The following STAM variants were observed in gnomAD, a reference collection of about 807,000 sequenced individuals.
STAM encodes signal transducing adaptor molecule.
A neutral mutation model predicts 63.4 loss-of-function variants in STAM; 16 were observed. That is an observed-to-expected ratio of 0.25 (90% CI 0.17 to 0.38). The LOEUF (loss-of-function observed/expected upper bound fraction) is 0.38, where lower values mean the gene tolerates loss of function less well. STAM is among the 10% of genes least tolerant of loss of function. STAM has a pLI of 1.00. For missense variants in STAM, 636 were observed against 657.1 expected (o/e 0.97, Z 0.35); for synonymous variants, 238 against 223.9 (o/e 1.06, Z -0.56).
intron 2 of STAM, among the ~76,000 whole-genome samples, chr10:17,680,703 G>A (rs1554825253): frequency 6.6e-6 from 1 of 152,012 alleles, no homozygotes; most frequent in African/African-American, 2.4e-5. Context: ...CACTGTGCCC[G>A]GCCTTGATTT....
intron 6 of STAM, among the ~76,000 whole-genome samples, chr10:17,694,195 TGACCTTAAATTTGATAATG>T (rs1554827153): frequency 6.6e-6 from 1 of 152,172 alleles, no homozygotes; most frequent in Non-Finnish European, 1.5e-5. Context: ...TCCTGGTTTT[TGACCTTAAATTTGATAATG>T]GTGTATTTTA....
rs146952486 is a variant in STAM at position 17,695,190 on chromosome 10, A to G, written c.677A>G (p.Asp226Gly). 1.2e-5 allele frequency: 19 copies of G among 1,613,958 alleles called. No homozygotes were observed. Among genetic ancestry groups the G allele is most frequent in the Admixed American group, 1.7e-5 (1 of 60,000 alleles). The change falls in exon 7 of 14, where the codon GAC becomes GGC. Residue 226 changes from aspartate to glycine, a missense_variant. Around this residue, in one of 3 missense-constraint regions of STAM, gnomAD observed 532 missense variants for 536.9 expected, o/e 0.99. Transcript: ENST00000377524. ...RAIYDFEAAEDNELTFKAGEI... is the reference protein window; with the variant it reads ...RAIYDFEAAEGNELTFKAGEI... ...ATATATGACTTTGAAGCTGCTGAAGACAATGAACTTACTTTTAAAGCTGGA... is the reference window on the plus strand; with the variant it reads ...ATATATGACTTTGAAGCTGCTGAAGGCAATGAACTTACTTTTAAAGCTGGA...
chr10:17,695,831 G>A (rs972753069), intron 7 of STAM: 2 of 152,224 alleles, frequency 1.3e-5, no homozygotes, highest in African/African-American at 4.8e-5. Flanking sequence ...TTCCTGTAGT[G>A]TCTCTCTTAC....
chr10:17,663,433 AC>A (rs1834255004), intron 2 of STAM, among the ~76,000 whole-genome samples: 1 of 152,114 alleles, frequency 6.6e-6, no homozygotes, highest in South Asian at 2.1e-4. Context: ...ATTTTAATTG[AC>A]ATTATACTAA....
intron 1 of STAM, among the ~76,000 whole-genome samples, chr10:17,646,986 TATATA>T (rs1833544309): frequency 6.6e-6 from 1 of 152,210 alleles, no homozygotes; most frequent in African/African-American, 2.4e-5. Context: ...CTGACTGATT[TATATA>T]ATATAACATT....
intron 13 of STAM, 55 bp downstream of exon 13, chr10:17,709,006 G>T: frequency 1.9e-6 from 3 of 1,558,376 alleles, no homozygotes; most frequent in Non-Finnish European, 2.6e-6. Flanking sequence ...CTGTTTAAGT[G>T]CCCCCAGTTA....
intron 7 of STAM, chr10:17,695,986 T>C (rs552211000): frequency 1.3e-5 from 2 of 152,290 alleles, no homozygotes; most frequent in Non-Finnish European, 2.9e-5. Context: ...CATTTTGCTG[T>C]GTCCTCCCAT....
chr10:17,660,388 TG>T, intron 1 of STAM, 75 bp from the exon 2 acceptor site: 1 of 968,808 alleles, frequency 1.0e-6, no homozygotes. Flanking sequence ...ACTATAGTTT[TG>T]TGATTTAAAT....
intron 12 of STAM, among the ~76,000 whole-genome samples, 165 bp downstream of exon 12, chr10:17,705,906 A>G (rs1362582398): frequency 1.0e-5 from 1 of 99,096 alleles, no homozygotes; most frequent in Non-Finnish European, 2.3e-5. Context: ...TGTCTCTACC[A>G]AAAAAAAAAA....
chr10:17,686,934 T>C (rs907402995), intron 4 of STAM, among the ~76,000 whole-genome samples: 1 of 152,246 alleles, frequency 6.6e-6, no homozygotes, highest in African/African-American at 2.4e-5. Context: ...TTATTTCTTC[T>C]CTGGTATCTG....
chr10:17,681,197 CTTT>C (rs201425906), intron 2 of STAM, among the ~76,000 whole-genome samples: 6 of 123,676 alleles, frequency 4.9e-5, no homozygotes, highest in African/African-American at 6.0e-5. Flanking sequence ...TTGAGATCGT[CTTT>C]TTTTTTTTTT....
chr10:17,705,487 GTAC>G, intron 11 of STAM, 98 bp from the exon 12 acceptor site: 1 of 1,321,440 alleles, frequency 7.6e-7, no homozygotes, highest in Non-Finnish European at 1.0e-6. Flanking sequence ...ATGTCTACTA[GTAC>G]TACTTTTTGC....
chr10:17,707,712 G>T (rs1035149722), intron 12 of STAM, among the ~76,000 whole-genome samples: 2 of 152,158 alleles, frequency 1.3e-5, no homozygotes, highest in African/African-American at 4.8e-5. Flanking sequence ...TTGGATCCCT[G>T]TGTGGGTCTG....
intron 1 of STAM, among the ~76,000 whole-genome samples, chr10:17,647,901 C>G (rs964802682): frequency 6.6e-5 from 10 of 152,212 alleles, no homozygotes; most frequent in Non-Finnish European, 1.5e-4. Context: ...CATCTCCTTA[C>G]TGAGCATCTC....
At chr10:17,670,189 T>C (rs1307705294) in intron 2 of STAM, among the ~76,000 whole-genome samples, 2 of 152,358 alleles carry the variant, frequency 1.3e-5, no homozygotes, top group South Asian at 2.1e-4. Flanking sequence ...TGGGATCCGA[T>C]GCGAGCTGAT....
At chr10:17,655,644 T>G (rs568084953) in intron 1 of STAM, among the ~76,000 whole-genome samples, 93 of 152,292 alleles carry the variant, frequency 6.1e-4, no homozygotes, top group African/African-American at 2.2e-3. Context: ...AGGAAATAAG[T>G]GTACTCTGTT....
chr10:17,675,153 CA>C (rs1554824508), intron 2 of STAM, among the ~76,000 whole-genome samples: 1 of 152,176 alleles, frequency 6.6e-6, no homozygotes, highest in Non-Finnish European at 1.5e-5. Flanking sequence ...TGGTTTTAGA[CA>C]CATGGCCTGA....
chr10:17,696,521 T>C, intron 7 of STAM: 1 of 353,368 alleles, frequency 2.8e-6, no homozygotes, highest in East Asian at 4.6e-5. Flanking sequence ...TGGTGCCTCT[T>C]TTTTTGGGAG....
chr10:17,704,416 A>G lies in STAM; in HGVS notation c.913-15A>G, dbSNP rs781790994. The G allele has an allele frequency of 6.2e-7, 1 of 1,607,848 alleles. No individual in the cohort carries two copies. The highest frequency in any genetic ancestry group is 8.5e-7 in the Non-Finnish European group (1 of 1,174,954). ...AGGTTGGTAGCTTTTTATATTAACTACTTAATTCCTGTAGGATAAAATGGA... is the reference window on the plus strand; with the variant it reads ...AGGTTGGTAGCTTTTTATATTAACTGCTTAATTCCTGTAGGATAAAATGGA... On this transcript the variant is annotated splice_polypyrimidine_tract_variant and intron_variant, in intron 9 of 13. Transcript: ENST00000377524.
Sources: gnomAD v4.1 joint callset for allele counts (sites outside exome capture counted in the v4.1 genomes callset) on GRCh38, gnomAD v4.1.1 for gene constraint, gnomAD v4.1.1 regional missense constraint, MANE v1.5 for transcripts, NCBI Gene and HGNC (gene_info 2026-07-23, HGNC 2026-07-21) for gene names.